Variants in HAUS2 observed in about 807,000 individuals in gnomAD.
The protein encoded by HAUS2 is HAUS augmin-like complex subunit 2.
HAUS2 carries 20 observed loss-of-function variants against 21.6 expected under a neutral mutation model. The ratio of observed to expected loss-of-function variants is 0.93; its 90% confidence interval spans 0.65 to 1.35. HAUS2 has a LOEUF of 1.35. Ranked by LOEUF, HAUS2 falls within the 40% of genes most tolerant of loss-of-function variation. The pLI, the probability that HAUS2 is intolerant of heterozygous loss-of-function variation, is 0.00. For synonymous variants in HAUS2, 113 were observed against 95.6 expected, an observed-to-expected ratio of 1.18 and a Z score of -1.06; for missense variants, 297 against 280.7, an observed-to-expected ratio of 1.06 and a Z score of -0.42.
In HAUS2 at chr15:42,559,515, G is replaced by A. The variant is rs575219116; in HGVS notation, c.256+107G>A. On this transcript the variant is annotated intron_variant, in intron 3 of 5. Coordinates refer to ENST00000260372, the MANE Select transcript of HAUS2 (RefSeq NM_018097.3). ...TTATGATACACCATCATTTTTCCAG[G>A]TGTTGTCCCAAAGCTAATGAAATCT... The A allele has an allele frequency of 4.4e-5, 31 of 701,746 alleles. No homozygotes were observed. In the East Asian group the frequency reaches 6.7e-4, roughly 15 times the overall value. 43.5% of individuals were successfully genotyped at this position (701,746 alleles called of 1,614,324 possible). A position where few individuals can be genotyped will look rare whatever the true frequency, so the allele number is the denominator to read the frequency against.
At chr15:42,556,793 T>C (rs1229421963) in intron 1 of HAUS2, among the ~76,000 whole-genome samples, 1 of 143,264 alleles carries the variant, frequency 7.0e-6, no homozygotes, top group Non-Finnish European at 1.5e-5. Context: ...TCACCTGAGG[T>C]CAGCAGTTCT....
chr15:42,569,279 G>A lies in HAUS2; in HGVS notation c.*2463G>A, dbSNP rs878987249. On this transcript the variant is annotated 3_prime_UTR_variant, in exon 6 of 6. Coordinates refer to ENST00000260372, the MANE Select transcript of HAUS2 (RefSeq NM_018097.3). Reference sequence around the variant, plus strand: ...AACATGTACATCAGTTTTGTTTTTTGTTTTGTTCTTTTCTTTCCTTTTTTT... The same window carrying A: ...AACATGTACATCAGTTTTGTTTTTTATTTTGTTCTTTTCTTTCCTTTTTTT... 7.4e-6 allele frequency: 1 copy of A among 134,724 alleles called. No homozygotes were observed. The highest frequency in any genetic ancestry group is 1.6e-5 in the Non-Finnish European group (1 of 60,780). 8.3% of individuals were successfully genotyped at this position (134,724 alleles called of 1,614,324 possible).
At chr15:42,550,217 G>C (rs1036502094) in intron 1 of HAUS2, among the ~76,000 whole-genome samples, 7 of 151,236 alleles carry the variant, frequency 4.6e-5, no homozygotes, top group African/African-American at 1.7e-4. Flanking sequence ...AAGAGATGGA[G>C]GTTGCAGTGA....
intron 1 of HAUS2, among the ~76,000 whole-genome samples, chr15:42,553,588 A>G (rs910443487): frequency 3.7e-4 from 56 of 152,098 alleles, no homozygotes; most frequent in African/African-American, 1.3e-3. Context: ...ATTACAGGTG[A>G]GAGCCACTGC....
At chr15:42,555,565 C>T (rs886494851) in intron 1 of HAUS2, among the ~76,000 whole-genome samples, 24 of 152,196 alleles carry the variant, frequency 1.6e-4, no homozygotes, top group African/African-American at 5.5e-4. Flanking sequence ...ACTATGTTTT[C>T]AGCTACATCT....
rs2057874589 is a variant in HAUS2, at chr15:42,563,741, T to A, written c.390-8T>A. 7.3e-7 allele frequency: 1 copy of A among 1,370,342 alleles called. No homozygotes were observed. 84.9% of individuals were successfully genotyped at this position (1,370,342 alleles called of 1,614,324 possible). A position where few individuals can be genotyped will look rare whatever the true frequency, so the allele number is the denominator to read the frequency against. On this transcript the variant is annotated splice_region_variant and splice_polypyrimidine_tract_variant and intron_variant, in intron 4 of 5. Coordinates refer to ENST00000260372, the MANE Select transcript of HAUS2 (RefSeq NM_018097.3). ...AAAAAATGGTTGACTTTTTTCTTTC[T>A]CTTTCAGATATATGGTACATTTGCT... is the stretch of plus-strand genomic sequence containing the variant.
rs1327403045 is a variant in HAUS2, at chr15:42,560,768, C to A, written c.257-502C>A. 8.6e-6 allele frequency: 6 copies of A among 700,240 alleles called. No individual in the cohort carries two copies. The African/African-American group carries it at 1.0e-4, about 12-fold the overall frequency. 43.4% of individuals were successfully genotyped at this position (700,240 alleles called of 1,614,324 possible). ...CATGCCCAGCTAATTTTTGTTTTTT[C>A]AATTTTTTTGTAGAGATGAAGTCTT... On this transcript the variant is annotated intron_variant, in intron 3 of 5. Transcript: ENST00000260372.
chr15:42,552,124 G>A (rs984991217), intron 1 of HAUS2, among the ~76,000 whole-genome samples: 5 of 151,988 alleles, frequency 3.3e-5, no homozygotes, highest in African/African-American at 4.8e-5. Flanking sequence ...CTTGGTTCAA[G>A]CAATTCTCCT....
chr15:42,556,850 CAA>C (rs556250001), intron 1 of HAUS2, among the ~76,000 whole-genome samples: 20,456 of 108,282 alleles, frequency 0.19, 1,891 homozygotes, highest in African/African-American at 0.3. Context: ...ACTAAAAATA[CAA>C]AAAAAAAAAA....
chr15:42,551,018 C>T (rs1188094890), intron 1 of HAUS2, among the ~76,000 whole-genome samples: 4 of 137,078 alleles, frequency 2.9e-5, no homozygotes, highest in African/African-American at 5.2e-5. Flanking sequence ...TTTTCTGAGA[C>T]ATAGTCTCCC....
At chr15:42,559,198 A>C in intron 2 of HAUS2, 141 bp from the exon 3 acceptor site, 1 of 554,802 alleles carries the variant, frequency 1.8e-6, no homozygotes. Context: ...GCAGTGGCAC[A>C]ATCTCGGCTC....
chr15:42,561,571 T>TAC, intron 4 of HAUS2, 169 bp downstream of exon 4: 1 of 512,276 alleles, frequency 2.0e-6, no homozygotes. Flanking sequence ...TAAACCATTA[T>TAC]ACCTATGGCA....
Position 42,569,437 on chromosome 15 carries a change from G to C in HAUS2, c.*2621G>C, listed in dbSNP as rs1397848860. 3 of 151,872 alleles carry C rather than the reference G, an allele frequency of 2.0e-5. No individual in the cohort carries two copies. Among genetic ancestry groups the C allele is most frequent in the Admixed American group, 1.3e-4 (2 of 15,218 alleles). The allele number at this position is 151,872 out of a possible 1,614,324, so 9.4% of individuals were successfully genotyped here. A position where few individuals can be genotyped will look rare whatever the true frequency, so the allele number is the denominator to read the frequency against. Reference sequence around the variant, plus strand: ...TCCTCCCACCTCAGCCTCCCAAGTAGCTGGGACTATAGGCACGCGCCACCA... The same window carrying C: ...TCCTCCCACCTCAGCCTCCCAAGTACCTGGGACTATAGGCACGCGCCACCA... On this transcript the variant is annotated 3_prime_UTR_variant, in exon 6 of 6. Transcript: ENST00000260372.
At chr15:42,558,432 G>C in intron 2 of HAUS2, 142 bp downstream of exon 2, 1 of 524,198 alleles carries the variant, frequency 1.9e-6, no homozygotes, top group Non-Finnish European at 3.4e-6. Context: ...GGTTCACGCC[G>C]TTCTTCTGCC....
rs375093123 is a variant in HAUS2, at chr15:42,566,720, A to G, written c.612A>G (p.Ile204Met). The change falls in exon 6 of 6, where the codon ATA (isoleucine) becomes ATG (methionine). Residue 204 changes from isoleucine (I) to methionine (M), a missense_variant. By Grantham distance (10) the Ile-to-Met change is conservative. Coordinates refer to ENST00000260372, the MANE Select transcript of HAUS2 (RefSeq NM_018097.3). ...QNEVSSCIPK[I>M]LAEESYLYKH... ...AAGTTTCGTCTTGTATCCCCAAAAT[A>G]TTAGCTGAAGAAAGTTATCTTTATA... is the stretch of plus-strand genomic sequence containing the variant. 4.5e-6 allele frequency: 7 copies of G among 1,562,308 alleles called. No individual in the cohort carries two copies. The highest frequency in any genetic ancestry group is 6.2e-6 in the Non-Finnish European group (7 of 1,133,012).
At chr15:42,551,855 A>G (rs2057729071) in intron 1 of HAUS2, among the ~76,000 whole-genome samples, 1 of 152,076 alleles carries the variant, frequency 6.6e-6, no homozygotes, top group South Asian at 2.1e-4. Context: ...CCTACAGTTA[A>G]CATGTCCCAC....
chr15:42,563,883 G>C, intron 5 of HAUS2, 26 bp downstream of exon 5: 1 of 1,049,856 alleles, frequency 9.5e-7, no homozygotes, highest in Non-Finnish European at 1.5e-6. Context: ...GCAATCTTCA[G>C]TTATTTTTTA....
At position 42,564,612 on chromosome 15, in the gene HAUS2, G is replaced by T. The variant is rs1457962932; in HGVS notation, c.498+755G>T. 3.3e-5 allele frequency among the ~76,000 whole-genome samples: 5 copies of T among 152,286 alleles called. No homozygotes were observed. In the East Asian group the frequency reaches 9.7e-4, roughly 29 times the overall value. On this transcript the variant is annotated intron_variant, in intron 5 of 5. Coordinates refer to ENST00000260372, the MANE Select transcript of HAUS2 (RefSeq NM_018097.3). The stretch of plus-strand genomic sequence containing the variant: ...GGAGGAATTACTTCCAGTTTAGGAG[G>T]ATTCTGAGTAGGATAGGGATAGGAA...
chr15:42,549,613 AT>A (rs1019465479), intron 1 of HAUS2, among the ~76,000 whole-genome samples: 2 of 149,386 alleles, frequency 1.3e-5, no homozygotes, highest in Admixed American at 6.7e-5. Context: ...CACCCAGCTA[AT>A]TTTTTTTTGT....
Sources: allele counts gnomAD v4.1 joint callset (sites outside exome capture counted in the v4.1 genomes callset), GRCh38; gene constraint gnomAD v4.1.1; transcripts MANE v1.5; gene names NCBI Gene and HGNC (gene_info 2026-07-23, HGNC 2026-07-21).